Variants in PKNOX2 observed in about 807,000 individuals in gnomAD.
The protein encoded by PKNOX2 is PBX/knotted 1 homeobox 2.
A neutral mutation model predicts 53.1 loss-of-function variants in PKNOX2; 14 were observed. That is an observed-to-expected ratio of 0.26 (90% confidence interval 0.17 to 0.41). PKNOX2 has a LOEUF of 0.41. Ranked by LOEUF, PKNOX2 falls within the 10% of genes least tolerant of loss-of-function variation. The pLI is 1.00. For missense variants in PKNOX2, 496 were observed against 602.8 expected, an observed-to-expected ratio of 0.82 and a Z score of 1.85; for synonymous variants, 257 against 242.8, an observed-to-expected ratio of 1.06 and a Z score of -0.54.
chr11:125,410,350 G>GATTGTGGGA, intron 8 of PKNOX2, 25 bp downstream of exon 8: 1 of 1,613,088 alleles, frequency 6.2e-7, no homozygotes, highest in Non-Finnish European at 8.5e-7. Flanking sequence ...TGGGAAGGGT[G>GATTGTGGGA]ATTGTGGGAA....
chr11:125,300,298 G>A (rs754367566), intron 2 of PKNOX2, among the ~76,000 whole-genome samples: 26 of 152,324 alleles, frequency 1.7e-4, no homozygotes, highest in Non-Finnish European at 3.5e-4. Flanking sequence ...ACTAATAATA[G>A]CAATAGCAGC....
At chr11:125,305,479 A>G (rs1386271329) in intron 2 of PKNOX2, among the ~76,000 whole-genome samples, 23 of 151,968 alleles carry the variant, frequency 1.5e-4, no homozygotes, top group Non-Finnish European at 1.3e-4. Context: ...AGCACCCCCT[A>G]CCTGCCCCAG....
intron 1 of PKNOX2, among the ~76,000 whole-genome samples, chr11:125,186,335 G>A (rs955284957): frequency 1.3e-5 from 2 of 152,252 alleles, no homozygotes; most frequent in Middle Eastern, 6.8e-3. Context: ...TCCCATTCTG[G>A]AGGTTTCTTT....
intron 1 of PKNOX2, among the ~76,000 whole-genome samples, chr11:125,199,080 A>G (rs116124028): frequency 0.02 from 3,057 of 152,144 alleles, 95 homozygotes; most frequent in African/African-American, 0.069. Context: ...GCCTCAAGTT[A>G]TCTGCCCTCC....
intron 10 of PKNOX2, among the ~76,000 whole-genome samples, chr11:125,424,430 G>A (rs1956311115): frequency 6.6e-6 from 1 of 152,032 alleles, no homozygotes; most frequent in African/African-American, 2.4e-5. Flanking sequence ...ATGGAATGTG[G>A]TCGTTTTGGG....
chr11:125,409,518 G>T (rs775658948), intron 7 of PKNOX2, among the ~76,000 whole-genome samples: 1 of 152,122 alleles, frequency 6.6e-6, no homozygotes, highest in African/African-American at 2.4e-5. Context: ...TTATGGGAAG[G>T]CTAGGGCGGC....
At chr11:125,272,140 G>A (rs905491445) in intron 2 of PKNOX2, among the ~76,000 whole-genome samples, 1 of 152,230 alleles carries the variant, frequency 6.6e-6, no homozygotes, top group Non-Finnish European at 1.5e-5. Context: ...AGGCTTGGAG[G>A]GAAGTGTTTC....
intron 2 of PKNOX2, among the ~76,000 whole-genome samples, chr11:125,261,143 A>G (rs1471775992): frequency 6.6e-6 from 1 of 152,130 alleles, no homozygotes; most frequent in Non-Finnish European, 1.5e-5. Context: ...AGCGATTTGG[A>G]TCGTGGGTCC....
chr11:125,287,041 C>T (rs184893999), intron 2 of PKNOX2, among the ~76,000 whole-genome samples: 5 of 152,318 alleles, frequency 3.3e-5, no homozygotes, highest in African/African-American at 9.6e-5. Flanking sequence ...GTGAATTTGC[C>T]GCCTGAGGAG....
Position 125,284,150 on chromosome 11 carries a change from T to A in PKNOX2, c.-129-47669T>A, listed in dbSNP as rs189621876. Among the ~76,000 whole-genome samples the A allele has an allele frequency of 3.8e-3, 582 of 152,316 alleles. 2 individuals are homozygous for A. The highest frequency in any genetic ancestry group is 6.8e-3 in the Non-Finnish European group (460 of 68,032). ...AATTAATGAGATAGTGGATCTCAAG[T>A]GCTTCATGTAATGCCTGGCACATGG... On this transcript the variant is annotated intron_variant, in intron 2 of 12. Coordinates refer to ENST00000298282, the MANE Select transcript of PKNOX2 (RefSeq NM_001382323.2).
intron 5 of PKNOX2, among the ~76,000 whole-genome samples, chr11:125,382,854 C>G (rs1008098682): frequency 6.6e-6 from 1 of 152,238 alleles, no homozygotes; most frequent in Non-Finnish European, 1.5e-5. Flanking sequence ...ATTGTTTTCC[C>G]TACCAGCTTC....
intron 4 of PKNOX2, among the ~76,000 whole-genome samples, chr11:125,351,887 CT>C (rs1591538660): frequency 6.6e-6 from 1 of 152,152 alleles, no homozygotes; most frequent in Non-Finnish European, 1.5e-5. Context: ...CTTCAGAACT[CT>C]TCTGGGCTTC....
chr11:125,376,839 C>T (rs1482054644), intron 5 of PKNOX2, among the ~76,000 whole-genome samples: 2 of 152,118 alleles, frequency 1.3e-5, no homozygotes, highest in South Asian at 4.2e-4. Flanking sequence ...TGTGCACAAA[C>T]GACTGTGCTT....
chr11:125,200,948 C>T (rs73617525), intron 1 of PKNOX2, among the ~76,000 whole-genome samples: 5,435 of 152,296 alleles, frequency 0.036, 323 homozygotes, highest in African/African-American at 0.12. Flanking sequence ...TTGTACACTG[C>T]ACATCGAGGG....
intron 2 of PKNOX2, among the ~76,000 whole-genome samples, chr11:125,250,065 CAAAAAAAAAAAAA>C (rs35679690): frequency 2.1e-5 from 1 of 46,984 alleles, no homozygotes; most frequent in Non-Finnish European, 3.6e-5. Context: ...AACTCTGTCT[CAAAAAAAAAAAAA>C]AAAAAAAAAA....
chr11:125,374,212 G>A (rs1376809893), intron 5 of PKNOX2, among the ~76,000 whole-genome samples: 1 of 152,130 alleles, frequency 6.6e-6, no homozygotes, highest in East Asian at 1.9e-4. Flanking sequence ...GGAATGTGCT[G>A]GGTGAGGTGG....
intron 10 of PKNOX2, among the ~76,000 whole-genome samples, chr11:125,415,977 A>G (rs1419175812): frequency 6.6e-6 from 1 of 152,156 alleles, no homozygotes; most frequent in Admixed American, 6.5e-5. Flanking sequence ...CCTCTCCTAT[A>G]CTGTAACATC....
intron 6 of PKNOX2, 104 bp from the exon 7 acceptor site, chr11:125,397,770 C>A: frequency 8.4e-7 from 1 of 1,190,212 alleles, no homozygotes; most frequent in Non-Finnish European, 1.2e-6. Context: ...TGAGCTACGG[C>A]AGGGGGTGGG....
At chr11:125,308,345 C>A (rs141098233) in intron 2 of PKNOX2, among the ~76,000 whole-genome samples, 1 of 152,166 alleles carries the variant, frequency 6.6e-6, no homozygotes, top group Non-Finnish European at 1.5e-5. Context: ...AATGGCAGCA[C>A]CCCCAACCCT....
Sources: gnomAD v4.1 joint callset for allele counts (sites outside exome capture counted in the v4.1 genomes callset) on GRCh38, gnomAD v4.1.1 for gene constraint, MANE v1.5 for transcripts, NCBI Gene and HGNC (gene_info 2026-07-23, HGNC 2026-07-21) for gene names.